Variants in KCNAB1 observed in about 807,000 individuals in gnomAD.
KCNAB1 encodes the protein potassium voltage-gated channel subfamily A regulatory beta subunit 1, also known as voltage-gated potassium channel subunit beta-1.
In KCNAB1, 35 loss-of-function variants were observed where a neutral mutation model predicts 64.6. The observed-to-expected ratio is 0.54, with a 90% CI of 0.41 to 0.72. The LOEUF (loss-of-function observed/expected upper bound fraction) is 0.72, where lower values mean the gene tolerates loss of function less well. Ranked by LOEUF, KCNAB1 falls within the 30% of genes least tolerant of loss-of-function variation. The probability of loss-of-function intolerance (pLI) is 0.00; values close to 1 mark genes in which losing one functional copy is unlikely to be tolerated. For synonymous variants in KCNAB1, 177 were observed against 183.8 expected (o/e 0.96, Z 0.30); for missense variants, 401 against 512.9 (o/e 0.78, Z 2.11).
chr3:156,265,759 C>G (rs1339056101), intron 1 of KCNAB1, among the ~76,000 whole-genome samples: 2 of 152,124 alleles, frequency 1.3e-5, no homozygotes, highest in African/African-American at 4.8e-5. Context: ...CTTTGGGAGT[C>G]CGAGGTGGGC....
chr3:156,174,804 G>T (rs1712241229), intron 1 of KCNAB1, among the ~76,000 whole-genome samples: 1 of 152,174 alleles, frequency 6.6e-6, no homozygotes, highest in Admixed American at 6.5e-5. Flanking sequence ...GGTCTAAAAA[G>T]GTACCAGGAA....
At chr3:156,437,410 G>A (rs993145858) in intron 2 of KCNAB1, among the ~76,000 whole-genome samples, 5 of 152,138 alleles carry the variant, frequency 3.3e-5, no homozygotes, top group African/African-American at 7.2e-5. Flanking sequence ...AAAATATGTA[G>A]GAACAATATA....
In KCNAB1 at chr3:156,515,367, T is replaced by C. The variant is rs961433707; in HGVS notation, c.865+147T>C. ...TGTAAGAACCATGCATTCCAGAGATTGTAGCAGAATCAAAATGTAGCAGAA... is the reference window on the plus strand; with the variant it reads ...TGTAAGAACCATGCATTCCAGAGATCGTAGCAGAATCAAAATGTAGCAGAA... On this transcript the variant is annotated intron_variant, in intron 10 of 13. Coordinates refer to ENST00000490337, the MANE Select transcript of KCNAB1 (RefSeq NM_172160.3). 3 of 717,040 alleles carry C rather than the reference T, an allele frequency of 4.2e-6. No individual in the cohort carries two copies. The African/African-American group carries it at 5.4e-5, about 13-fold the overall frequency. 44.4% of individuals were successfully genotyped at this position (717,040 alleles called of 1,614,324 possible).
intron 2 of KCNAB1, among the ~76,000 whole-genome samples, chr3:156,445,420 T>C (rs1194430541): frequency 6.6e-6 from 1 of 152,250 alleles, no homozygotes; most frequent in Non-Finnish European, 1.5e-5. Context: ...TTAAAAATAC[T>C]GATGCCAGGA....
intron 1 of KCNAB1, among the ~76,000 whole-genome samples, chr3:156,230,407 A>C (rs1230877461): frequency 1.3e-5 from 2 of 152,240 alleles, no homozygotes; most frequent in Non-Finnish European, 2.9e-5. Flanking sequence ...GTAGTGGGCT[A>C]TGCCATTTAG....
At chr3:156,228,400 C>T (rs74839202) in intron 1 of KCNAB1, among the ~76,000 whole-genome samples, 2,270 of 152,312 alleles carry the variant, frequency 0.015, 22 homozygotes, top group Middle Eastern at 0.024. Context: ...TTGACTGTTA[C>T]AGATCCCAGC....
chr3:156,439,552 C>T (rs573607407), intron 2 of KCNAB1, among the ~76,000 whole-genome samples: 1 of 152,192 alleles, frequency 6.6e-6, no homozygotes, highest in Non-Finnish European at 1.5e-5. Context: ...GACACTATCA[C>T]GAAGTGTGCA....
At chr3:156,179,351 G>T (rs1026812491) in intron 1 of KCNAB1, among the ~76,000 whole-genome samples, 1 of 151,664 alleles carries the variant, frequency 6.6e-6, no homozygotes, top group East Asian at 1.9e-4. Flanking sequence ...TCCAGAAGGG[G>T]GGATATAAAA....
Position 156,196,421 on chromosome 3 carries a change from T to G in KCNAB1, c.275+75535T>G, listed in dbSNP as rs80242684. On this transcript the variant is annotated intron_variant, in intron 1 of 13. Transcript: ENST00000490337. ...GGGCAGTTTGGCCGTTTTCATGATATTGATTCTTCCTATCCATGAGCATGG... is the reference window on the plus strand; with the variant it reads ...GGGCAGTTTGGCCGTTTTCATGATAGTGATTCTTCCTATCCATGAGCATGG... 5.5e-3 allele frequency among the ~76,000 whole-genome samples: 843 copies of G among 152,346 alleles called. 1 individual carries two copies. The highest frequency in any genetic ancestry group is 9.0e-3 in the Admixed American group (138 of 15,308).
Position 156,133,601 on chromosome 3 carries a change from T to C in KCNAB1, c.275+12715T>C, listed in dbSNP as rs571814536. On this transcript the variant is annotated intron_variant, in intron 1 of 13. Transcript: ENST00000490337. ...ACAGGGATGCAGAGTCAGGGCTTCT[T>C]GCCCTGAATGATCCTGGAGTCTGTT... Among the ~76,000 whole-genome samples the C allele has an allele frequency of 4.6e-5, 7 of 152,338 alleles. No homozygotes were observed. In the East Asian group the frequency reaches 1.2e-3, roughly 25 times the overall value.
At chr3:156,194,754 A>G (rs936607162) in intron 1 of KCNAB1, among the ~76,000 whole-genome samples, 6 of 152,078 alleles carry the variant, frequency 3.9e-5, no homozygotes, top group African/African-American at 1.2e-4. Context: ...TGCTCTGTGC[A>G]TTCATTTTTA....
chr3:156,143,758 G>A (rs1714872310), intron 1 of KCNAB1, among the ~76,000 whole-genome samples: 1 of 150,990 alleles, frequency 6.6e-6, no homozygotes, highest in South Asian at 2.1e-4. Context: ...TCTTCTTAAG[G>A]GAAAGAGAAT....
At chr3:156,339,981 A>G (rs757860587) in intron 1 of KCNAB1, among the ~76,000 whole-genome samples, 7 of 152,228 alleles carry the variant, frequency 4.6e-5, no homozygotes, top group Non-Finnish European at 1.0e-4. Context: ...CTCTCTCAAG[A>G]TGATCATAAA....
chr3:156,202,253 C>T (rs980115243), intron 1 of KCNAB1, among the ~76,000 whole-genome samples: 5 of 152,224 alleles, frequency 3.3e-5, no homozygotes, highest in Non-Finnish European at 5.9e-5. Flanking sequence ...GGAGTCTCCT[C>T]CTGCTGGGAT....
At chr3:156,478,550 A>G (rs950930356) in intron 8 of KCNAB1, among the ~76,000 whole-genome samples, 2 of 152,262 alleles carry the variant, frequency 1.3e-5, no homozygotes, top group African/African-American at 4.8e-5. Flanking sequence ...ACTTGGGGAC[A>G]CTGAGAGTCT....
intron 1 of KCNAB1, among the ~76,000 whole-genome samples, chr3:156,338,742 G>A (rs1019530626): frequency 1.3e-5 from 2 of 152,176 alleles, no homozygotes; most frequent in Non-Finnish European, 2.9e-5. Flanking sequence ...CAGTTCCCAT[G>A]ATTCTGCTTT....
chr3:156,458,864 T>A (rs1173133197), intron 4 of KCNAB1, among the ~76,000 whole-genome samples: 1 of 152,204 alleles, frequency 6.6e-6, no homozygotes, highest in Non-Finnish European at 1.5e-5. Context: ...AGGTTTCCAC[T>A]GTGAAATGCA....
rs924734529 is a variant in KCNAB1 at position 156,445,158 on chromosome 3, C to T, written c.320-7741C>T. On this transcript the variant is annotated intron_variant, in intron 2 of 13. Transcript: ENST00000490337. ...TAAAAATACAAAAATTGGCCGGGCA[C>T]GGTGGCACGCGCCTGTAATCCCAGC... Among the ~76,000 whole-genome samples the T allele has an allele frequency of 1.1e-4, 16 of 152,100 alleles. No homozygotes were observed. In the South Asian group the frequency reaches 1.2e-3, roughly 12 times the overall value.
At chr3:156,368,946 C>A (rs191573277) in intron 1 of KCNAB1, among the ~76,000 whole-genome samples, 2 of 152,154 alleles carry the variant, frequency 1.3e-5, no homozygotes, top group Admixed American at 6.5e-5. Flanking sequence ...TTCTTTAATA[C>A]GTTCATTGAT....
Sources: gnomAD v4.1 joint callset for allele counts (sites outside exome capture counted in the v4.1 genomes callset) on GRCh38, gnomAD v4.1.1 for gene constraint, MANE v1.5 for transcripts, NCBI Gene and HGNC (gene_info 2026-07-23, HGNC 2026-07-21) for gene names.